The following NNMT variants were observed in gnomAD, a reference collection of about 807,000 sequenced individuals.
The protein encoded by NNMT is nicotinamide N-methyltransferase.
NNMT carries 10 observed loss-of-function variants against 11.7 expected under a neutral mutation model. That is an observed-to-expected ratio of 0.85 (90% CI 0.53 to 1.45). The LOEUF (loss-of-function observed/expected upper bound fraction) is 1.45, where lower values mean the gene tolerates loss of function less well. Among genes scored for constraint, NNMT ranks in the 40% most tolerant of loss-of-function variants. The pLI, the probability that NNMT is intolerant of heterozygous loss-of-function variation, is 0.00. For missense variants in NNMT, 381 were observed against 319.4 expected (o/e 1.19, Z -1.47); for synonymous variants, 143 against 133.8 (o/e 1.07, Z -0.48).
chr11:114,276,733 C>T (rs916263380), intron 2 of NNMT, among the ~76,000 whole-genome samples: 1 of 152,320 alleles, frequency 6.6e-6, no homozygotes, highest in African/African-American at 2.4e-5. Context: ...GGCCATTTGT[C>T]ACCACACAAC....
chr11:114,283,801 A>G (rs2135259317), intron 2 of NNMT, among the ~76,000 whole-genome samples: 1 of 152,326 alleles, frequency 6.6e-6, no homozygotes, highest in Non-Finnish European at 1.5e-5. Context: ...TAAACAAAAC[A>G]ATAAAGGAAG....
upstream of NNMT, among the ~76,000 whole-genome samples, chr11:114,294,275 C>T (rs745590075): frequency 2.0e-5 from 3 of 151,828 alleles, no homozygotes; most frequent in Non-Finnish European, 2.9e-5. Context: ...CTGAGGAGTT[C>T]AAGACCAGCC....
intron 2 of NNMT, among the ~76,000 whole-genome samples, chr11:114,286,507 C>T (rs1267861836): frequency 1.3e-5 from 2 of 152,140 alleles, no homozygotes; most frequent in East Asian, 3.9e-4. Context: ...TTGTGCATCA[C>T]TAAATAATAA....
Position 114,282,563 on chromosome 11 carries a change from G to A in NNMT, c.-129-13865G>A, listed in dbSNP as rs553933266. On this transcript the variant is annotated intron_variant, in intron 2 of 4. Coordinates refer to the NNMT transcript ENST00000535401. The stretch of plus-strand genomic sequence containing the variant: ...TGTCCTTTTTTCAGCACACATCCAG[G>A]CTGTATTTCACAGCCCCCTTGCCTC... Among the ~76,000 whole-genome samples, 2 of 152,264 alleles carry A rather than the reference G, an allele frequency of 1.3e-5. 1 individual carries two copies. The highest frequency in any genetic ancestry group is 4.8e-5 in the African/African-American group (2 of 41,554).
At chr11:114,279,477 C>T (rs1401327249) in intron 2 of NNMT, among the ~76,000 whole-genome samples, 1 of 152,152 alleles carries the variant, frequency 6.6e-6, no homozygotes, top group African/African-American at 2.4e-5. Flanking sequence ...GGAAACAACA[C>T]TGCTAAAAGC....
Position 114,313,496 on chromosome 11 carries a change from A to T in NNMT, c.*1019A>T, listed in dbSNP as rs1296636700. Among the ~76,000 whole-genome samples the T allele has an allele frequency of 6.6e-6, 1 of 152,164 alleles. No homozygotes were observed. The stretch of plus-strand genomic sequence containing the variant: ...TCGAAAAAAGTAAAATAATAAATAA[A>T]TAATAAATAAAATAAAATAAAGTGA... On this transcript the variant is annotated 3_prime_UTR_variant, in exon 3 of 3. Coordinates refer to ENST00000299964, the MANE Select transcript of NNMT (RefSeq NM_006169.3).
intron 2 of NNMT, among the ~76,000 whole-genome samples, chr11:114,264,350 A>G (rs1208967219): frequency 6.6e-6 from 1 of 151,998 alleles, no homozygotes; most frequent in African/African-American, 2.4e-5. Flanking sequence ...TATCTCTGTT[A>G]TTCCTTTAAA....
intron 2 of NNMT, among the ~76,000 whole-genome samples, chr11:114,284,831 G>A (rs1260252932): frequency 7.4e-6 from 1 of 135,642 alleles, no homozygotes; most frequent in African/African-American, 2.7e-5. Flanking sequence ...GTGCAGTGGT[G>A]TAGTCTCTGC....
intron 1 of NNMT, 56 bp from the exon 2 acceptor site, chr11:114,297,895 C>A: frequency 6.9e-7 from 1 of 1,458,510 alleles, no homozygotes; most frequent in Non-Finnish European, 9.6e-7. Flanking sequence ...AAATTTGACT[C>A]TGCCCACTGC....
In NNMT at chr11:114,313,153, G is replaced by T. The variant is rs879816221; in HGVS notation, c.*676G>T. ...GCCTCACTTTCCTCATCTATAAAAT[G>T]AGATTAAAATAGTCTTTTTATTAAG... On this transcript the variant is annotated 3_prime_UTR_variant, in exon 3 of 3. Coordinates refer to ENST00000299964, the MANE Select transcript of NNMT (RefSeq NM_006169.3). 1 of 152,202 alleles carries T rather than the reference G, an allele frequency of 6.6e-6. No homozygotes were observed. Among genetic ancestry groups the T allele is most frequent in the Non-Finnish European group, 1.5e-5 (1 of 68,050 alleles). The allele number at this position is 152,202 out of a possible 1,614,324, so 9.4% of individuals were successfully genotyped here.
At position 114,296,727 on chromosome 11, in the gene NNMT, C is replaced by G. The variant is rs1945383506; in HGVS notation, c.154+17C>G. The G allele has an allele frequency of 2.5e-6, 4 of 1,612,890 alleles. No individual in the cohort carries two copies. The highest frequency in any genetic ancestry group is 2.2e-5 in the East Asian group (1 of 44,882). On this transcript the variant is annotated intron_variant, in intron 1 of 2. Coordinates refer to ENST00000299964, the MANE Select transcript of NNMT (RefSeq NM_006169.3). Reference sequence around the variant, plus strand: ...TCTGCCTAGGTAAGTCTGTTGTCTGCATGTCTCCCCACTAATGTGAGTCAT... The same window carrying G: ...TCTGCCTAGGTAAGTCTGTTGTCTGGATGTCTCCCCACTAATGTGAGTCAT...
chr11:114,307,595 T>A (rs1057219916), intron 2 of NNMT, among the ~76,000 whole-genome samples: 4 of 152,012 alleles, frequency 2.6e-5, no homozygotes, highest in African/African-American at 9.7e-5. Flanking sequence ...TCCTTAGTGC[T>A]CCCTAGTGAC....
chr11:114,274,723 A>G (rs563943434), intron 2 of NNMT, among the ~76,000 whole-genome samples: 2 of 152,346 alleles, frequency 1.3e-5, no homozygotes, highest in African/African-American at 4.8e-5. Context: ...CCAGAAAGAA[A>G]CTGTCCCAGA....
At chr11:114,258,549 G>A (rs938697652) in intron 1 of NNMT, among the ~76,000 whole-genome samples, 1 of 152,260 alleles carries the variant, frequency 6.6e-6, no homozygotes, top group African/African-American at 2.4e-5. Context: ...GGGATCTGAA[G>A]ATGACTGGCC....
At chr11:114,299,745 A>G (rs967117894) in intron 2 of NNMT, among the ~76,000 whole-genome samples, 4 of 150,026 alleles carry the variant, frequency 2.7e-5, no homozygotes, top group African/African-American at 7.3e-5. Flanking sequence ...GGTAAGTGGT[A>G]CTTTTCAAGA....
chr11:114,284,709 A>G (rs11214929), intron 2 of NNMT, among the ~76,000 whole-genome samples: 183 of 139,038 alleles, frequency 1.3e-3, no homozygotes, highest in Non-Finnish European at 2.2e-3. Context: ...TGATATGCCC[A>G]CCTTGGCCTC....
intron 2 of NNMT, among the ~76,000 whole-genome samples, chr11:114,288,599 C>T (rs1591832869): frequency 6.6e-6 from 1 of 152,074 alleles, no homozygotes; most frequent in Non-Finnish European, 1.5e-5. Context: ...GAAAATTAGG[C>T]TCTTGAGTTA....
chr11:114,273,792 A>G (rs771582584), intron 2 of NNMT, among the ~76,000 whole-genome samples: 25 of 152,128 alleles, frequency 1.6e-4, no homozygotes, highest in Non-Finnish European at 3.5e-4. Flanking sequence ...GTGAGCTGAG[A>G]TCGCTCCATT....
chr11:114,272,236 T>A (rs1316681968), intron 2 of NNMT, among the ~76,000 whole-genome samples: 1 of 152,192 alleles, frequency 6.6e-6, no homozygotes, highest in East Asian at 1.9e-4. Flanking sequence ...ATAGCCCGCC[T>A]GGACTACTTC....
Sources: gnomAD v4.1 joint callset for allele counts (sites outside exome capture counted in the v4.1 genomes callset) on GRCh38, gnomAD v4.1.1 for gene constraint, MANE v1.5 for transcripts, NCBI Gene and HGNC (gene_info 2026-07-23, HGNC 2026-07-21) for gene names.